Variants in ANO3 observed in about 807,000 individuals in gnomAD.
ANO3 encodes the protein anoctamin 3.
Under a neutral mutation model 144.8 loss-of-function variants are expected in ANO3, and 99 were observed. That is an observed-to-expected ratio of 0.68 (90% CI 0.58 to 0.81). The LOEUF (loss-of-function observed/expected upper bound fraction) is 0.81. Among genes scored for constraint, ANO3 ranks in the 30% least tolerant of loss-of-function variants. The pLI is 0.00. For missense variants in ANO3, 905 were observed against 1,202.2 expected (o/e 0.75, Z 3.66); for synonymous variants, 414 against 392.6 (o/e 1.05, Z -0.64).
At chr11:26,542,129 C>T (rs1196444927) in intron 11 of ANO3, 61 bp downstream of exon 11, 10 of 1,547,184 alleles carry the variant, frequency 6.5e-6, no homozygotes, top group African/African-American at 2.8e-5. Flanking sequence ...TTGTCTTAGA[C>T]TTGGAATTAT....
chr11:26,590,398 C>T (rs1851410067), intron 14 of ANO3, among the ~76,000 whole-genome samples: 1 of 152,206 alleles, frequency 6.6e-6, no homozygotes, highest in Non-Finnish European at 1.5e-5. Context: ...TTGCCACACA[C>T]AGGCAGCTAC....
intron 1 of ANO3, among the ~76,000 whole-genome samples, chr11:26,316,609 C>T (rs1014496686): frequency 2.0e-5 from 3 of 152,148 alleles, no homozygotes; most frequent in Middle Eastern, 3.2e-3. Flanking sequence ...CACAAATTCT[C>T]AGAAGGGAGT....
At chr11:26,264,664 T>C (rs1389229766) in intron 1 of ANO3, among the ~76,000 whole-genome samples, 2 of 152,094 alleles carry the variant, frequency 1.3e-5, no homozygotes, top group Admixed American at 6.6e-5. Flanking sequence ...AGACTAGAAG[T>C]TCAAGATCAT....
At chr11:26,481,895 T>C (rs117550885) in intron 4 of ANO3, among the ~76,000 whole-genome samples, 11,400 of 152,202 alleles carry the variant, frequency 0.075, 602 homozygotes, top group Admixed American at 0.13. Flanking sequence ...TCCTTTCTTT[T>C]TTTTACTTTG....
intron 17 of ANO3, among the ~76,000 whole-genome samples, chr11:26,615,278 A>C (rs1228210976): frequency 6.6e-6 from 1 of 150,456 alleles, no homozygotes; most frequent in Non-Finnish European, 1.5e-5. Context: ...CCAAGTGAAG[A>C]AAAGATTTAT....
At chr11:26,246,094 T>C (rs1852785699) in intron 1 of ANO3, among the ~76,000 whole-genome samples, 2 of 151,960 alleles carry the variant, frequency 1.3e-5, no homozygotes, top group South Asian at 4.2e-4. Flanking sequence ...AGAGGAGAGA[T>C]TGGAGAGGGG....
intron 1 of ANO3, among the ~76,000 whole-genome samples, chr11:26,372,455 T>G (rs1428541877): frequency 6.6e-6 from 1 of 152,226 alleles, no homozygotes; most frequent in Non-Finnish European, 1.5e-5. Flanking sequence ...CAGACCTATG[T>G]AAATTAACCT....
chr11:26,454,795 C>T (rs1212552733), intron 3 of ANO3, among the ~76,000 whole-genome samples: 1 of 152,090 alleles, frequency 6.6e-6, no homozygotes, highest in African/African-American at 2.4e-5. Flanking sequence ...GACCAATATC[C>T]TTGATGAACA....
intron 7 of ANO3, among the ~76,000 whole-genome samples, chr11:26,530,890 CAA>C (rs1262416805): frequency 1.2e-4 from 18 of 151,674 alleles, no homozygotes; most frequent in Non-Finnish European, 1.3e-4. Flanking sequence ...AAAACAAAAA[CAA>C]AAACAAAAAA....
intron 1 of ANO3, among the ~76,000 whole-genome samples, chr11:26,315,689 C>G (rs555109687): frequency 3.5e-4 from 52 of 150,602 alleles, no homozygotes; most frequent in African/African-American, 1.3e-3. Context: ...ATCTATCCAT[C>G]TATCTATCTA....
intron 1 of ANO3, among the ~76,000 whole-genome samples, chr11:26,387,975 T>G (rs1856778522): frequency 6.6e-6 from 1 of 152,064 alleles, no homozygotes; most frequent in Non-Finnish European, 1.5e-5. Flanking sequence ...ACTCACTATC[T>G]CTCTTCTAGT....
At chr11:26,559,692 T>C in intron 13 of ANO3, 27 bp from the exon 14 acceptor site, 2 of 1,550,020 alleles carry the variant, frequency 1.3e-6, no homozygotes, top group Non-Finnish European at 1.8e-6. Flanking sequence ...TTTGCATGAC[T>C]AATATTTCTG....
chr11:26,565,033 A>C, intron 14 of ANO3: 1 of 911,980 alleles, frequency 1.1e-6, no homozygotes, highest in Non-Finnish European at 1.5e-6. Context: ...ATCATCCCTC[A>C]AAAGTGAGAA....
intron 1 of ANO3, among the ~76,000 whole-genome samples, chr11:26,375,118 C>T (rs1427236272): frequency 6.6e-6 from 1 of 152,118 alleles, no homozygotes; most frequent in African/African-American, 2.4e-5. Flanking sequence ...GTTTATTTTC[C>T]TGCAACTAAA....
chr11:26,535,716 G>A (rs1849491959), intron 9 of ANO3, among the ~76,000 whole-genome samples: 1 of 151,256 alleles, frequency 6.6e-6, no homozygotes, highest in South Asian at 2.1e-4. Flanking sequence ...CCGAGTGGCT[G>A]GAACTACAGG....
At chr11:26,525,812 C>T in intron 7 of ANO3, 133 bp downstream of exon 7, 1 of 614,640 alleles carries the variant, frequency 1.6e-6, no homozygotes, top group Non-Finnish European at 2.8e-6. Flanking sequence ...AAGATATTTC[C>T]AAAATAACTT....
intron 5 of ANO3, among the ~76,000 whole-genome samples, chr11:26,509,344 C>T (rs1861563176): frequency 6.6e-6 from 1 of 151,732 alleles, no homozygotes; most frequent in Non-Finnish European, 1.5e-5. Flanking sequence ...GAGACTGAGT[C>T]TCACTCTGTT....
chr11:26,547,306 T>G, intron 11 of ANO3, 110 bp from the exon 12 acceptor site: 1 of 1,058,702 alleles, frequency 9.4e-7, no homozygotes, highest in East Asian at 2.4e-5. Context: ...GAGGAGGAAC[T>G]GAGTGTAGCT....
intron 4 of ANO3, among the ~76,000 whole-genome samples, chr11:26,476,626 C>A (rs1476350098): frequency 1.3e-5 from 2 of 151,938 alleles, no homozygotes; most frequent in African/African-American, 4.8e-5. Flanking sequence ...TTTATAAGAT[C>A]ACTCTGCCCC....
Sources: gnomAD v4.1 joint callset for allele counts (sites outside exome capture counted in the v4.1 genomes callset) on GRCh38, gnomAD v4.1.1 for gene constraint, MANE v1.5 for transcripts, NCBI Gene and HGNC (gene_info 2026-07-23, HGNC 2026-07-21) for gene names.